Variants in ATP13A4 observed in about 807,000 individuals in gnomAD.
ATP13A4 encodes the protein ATPase 13A4, also known as probable cation-transporting ATPase 13A4.
ATP13A4 carries 114 observed loss-of-function variants against 142.5 expected under a neutral mutation model. That is an observed-to-expected ratio of 0.80 (90% CI 0.69 to 0.93). The LOEUF (loss-of-function observed/expected upper bound fraction) is 0.93. ATP13A4 is among the 40% of genes least tolerant of loss of function. The pLI is 0.00. For missense variants in ATP13A4, 1,392 were observed against 1,454.0 expected, an observed-to-expected ratio of 0.96 and a Z score of 0.69; for synonymous variants, 488 against 514.8, an observed-to-expected ratio of 0.95 and a Z score of 0.70.
intron 11 of ATP13A4, 94 bp downstream of exon 11, chr3:193,465,930 TG>T: frequency 6.6e-7 from 1 of 1,519,434 alleles, no homozygotes; most frequent in Non-Finnish European, 9.1e-7. Flanking sequence ...TTCCCAGGTT[TG>T]TAAACCACAT....
Position 193,467,381 on chromosome 3 carries a change from C to A in ATP13A4, c.1049G>T (p.Gly350Val). 1 of 1,614,138 alleles carries A rather than the reference C, an allele frequency of 6.2e-7. No homozygotes were observed. The highest frequency in any genetic ancestry group is 8.5e-7 in the Non-Finnish European group (1 of 1,180,024). The change falls in exon 10 of 30, where the codon GGA becomes GTA. Residue 350 changes from glycine (G) to valine (V), a missense_variant. Physicochemically the swap from Gly to Val is moderately radical, Grantham distance 109. Transcript: ENST00000342695. ...TGCCTTGGCCTGGATAACCTCTGTT[C>A]CACAGAAGAGGACATGCCGCTTGTA... ...ADYKRHVLFC[G>V]TEVIQAKAAC...
intron 1 of ATP13A4, among the ~76,000 whole-genome samples, chr3:193,525,525 A>G (rs1179081590): frequency 6.6e-6 from 1 of 152,208 alleles, no homozygotes; most frequent in Admixed American, 6.5e-5. Flanking sequence ...AAGATCAGAG[A>G]TGATCTGATC....
At position 193,494,672 on chromosome 3, in the gene ATP13A4, A is replaced by G. The variant is rs79671869; in HGVS notation, c.382-1512T>C. Among the ~76,000 whole-genome samples the G allele has an allele frequency of 5.6e-3, 850 of 152,126 alleles. 10 individuals are homozygous for G. The highest frequency in any genetic ancestry group is 0.019 in the African/African-American group (793 of 41,562). The stretch of plus-strand genomic sequence containing the variant: ...ATAGCAGTAAACACCTATATACAAA[A>G]AAGAATGATCTCAAATACACAATCT... On this transcript the variant is annotated intron_variant, in intron 3 of 29. Coordinates refer to ENST00000342695, the MANE Select transcript of ATP13A4 (RefSeq NM_032279.4).
At chr3:193,552,481 C>T (rs934387085) in intron 1 of ATP13A4, among the ~76,000 whole-genome samples, 2 of 152,206 alleles carry the variant, frequency 1.3e-5, no homozygotes, top group Non-Finnish European at 2.9e-5. Context: ...TGGTGTGACA[C>T]ATTTCTGGAC....
At chr3:193,513,313 T>C (rs886961655) in intron 2 of ATP13A4, among the ~76,000 whole-genome samples, 6 of 152,216 alleles carry the variant, frequency 3.9e-5, no homozygotes, top group African/African-American at 1.4e-4. Flanking sequence ...CTGCATTAAA[T>C]AGAATATGTA....
rs570681516 is a variant in ATP13A4 at position 193,514,767 on chromosome 3, T to C, written c.165A>G (p.Ala55=). The C allele has an allele frequency of 3.1e-6, 5 of 1,614,062 alleles. No homozygotes were observed. The African/African-American group carries it at 6.7e-5, about 22-fold the overall frequency. ...ILPLVFYWRP[A]WHVWAHCVPC... Reference sequence around the variant, plus strand: ...GGACACAATGTGCCCATACGTGCCATGCTGGTCTCCAGTAAAACACCAAGG... The same window carrying C: ...GGACACAATGTGCCCATACGTGCCACGCTGGTCTCCAGTAAAACACCAAGG... The change falls in exon 2 of 30, where the codon GCA becomes GCG. Residue 55 remains alanine (A), a synonymous_variant. Coordinates refer to ENST00000342695, the MANE Select transcript of ATP13A4 (RefSeq NM_032279.4).
At chr3:193,487,846 T>G (rs371170323) in intron 7 of ATP13A4, among the ~76,000 whole-genome samples, 13 of 152,220 alleles carry the variant, frequency 8.5e-5, no homozygotes, top group African/African-American at 3.1e-4. Flanking sequence ...CAGCATTGTC[T>G]TAGTAGCAAA....
chr3:193,489,926 T>C (rs1719854707), intron 6 of ATP13A4, 62 bp from the exon 7 acceptor site: 1 of 1,523,980 alleles, frequency 6.6e-7, no homozygotes, highest in African/African-American at 1.4e-5. Context: ...CTGCTCTTCA[T>C]TTACTTGTTT....
chr3:193,415,443 A>C (rs1428329003), intron 25 of ATP13A4, among the ~76,000 whole-genome samples: 1 of 152,202 alleles, frequency 6.6e-6, no homozygotes, highest in Non-Finnish European at 1.5e-5. Flanking sequence ...GAAAAAGACA[A>C]CTTTAGGATC....
At chr3:193,532,428 C>T (rs1189238111) in intron 1 of ATP13A4, among the ~76,000 whole-genome samples, 1 of 147,640 alleles carries the variant, frequency 6.8e-6, no homozygotes, top group Non-Finnish European at 1.5e-5. Context: ...AATAGGCCCC[C>T]AACAAACTGA....
chr3:193,487,238 G>C (rs1263991884), intron 7 of ATP13A4, among the ~76,000 whole-genome samples: 1 of 151,384 alleles, frequency 6.6e-6, no homozygotes, highest in Non-Finnish European at 1.5e-5. Context: ...TCGGTACTGG[G>C]GAAAAAAAAA....
intron 3 of ATP13A4, among the ~76,000 whole-genome samples, chr3:193,495,414 G>A (rs1720170680): frequency 6.6e-6 from 1 of 152,062 alleles, no homozygotes; most frequent in African/African-American, 2.4e-5. Context: ...TTCATCCCAG[G>A]ATACAAGGAT....
rs1720626782 is a variant in ATP13A4 at position 193,502,784 on chromosome 3, T to C, written c.235-145A>G. ...GACAGAACGGTTTGTCTCTGAAAGA[T>C]GATGGATCTAGAACCTTGAGGGAAA... On this transcript the variant is annotated intron_variant, in intron 2 of 29. Coordinates refer to ENST00000342695, the MANE Select transcript of ATP13A4 (RefSeq NM_032279.4). The C allele has an allele frequency of 8.9e-6, 8 of 896,956 alleles. 1 individual carries two copies. The highest frequency in any genetic ancestry group is 1.5e-5 in the South Asian group (1 of 64,658). 55.6% of individuals were successfully genotyped at this position (896,956 alleles called of 1,614,324 possible). A position where few individuals can be genotyped will look rare whatever the true frequency, so the allele number is the denominator to read the frequency against.
chr3:193,465,958 C>A, intron 11 of ATP13A4, 67 bp downstream of exon 11: 3 of 1,593,014 alleles, frequency 1.9e-6, no homozygotes, highest in Non-Finnish European at 2.6e-6. Flanking sequence ...TTAAGGCCAA[C>A]ATGCACAGTA....
At chr3:193,498,905 A>G (rs1407822552) in intron 3 of ATP13A4, among the ~76,000 whole-genome samples, 3 of 152,370 alleles carry the variant, frequency 2.0e-5, no homozygotes, top group East Asian at 3.9e-4. Flanking sequence ...TGGAAAGACC[A>G]TATAGCTGGC....
chr3:193,431,612 T>G (rs1411498141), intron 25 of ATP13A4, among the ~76,000 whole-genome samples: 2 of 151,708 alleles, frequency 1.3e-5, no homozygotes, highest in East Asian at 1.9e-4. Flanking sequence ...CATGTGTGTG[T>G]GTGTGTGTGT....
chr3:193,561,789 C>T (rs1373921637), intron 2 of ATP13A4, among the ~76,000 whole-genome samples: 3 of 152,146 alleles, frequency 2.0e-5, no homozygotes, highest in Non-Finnish European at 4.4e-5. Flanking sequence ...GCAAATGTAA[C>T]TTTAAAATAA....
chr3:193,444,889 C>A (rs984960049), intron 18 of ATP13A4, among the ~76,000 whole-genome samples: 2 of 152,214 alleles, frequency 1.3e-5, no homozygotes, highest in Non-Finnish European at 2.9e-5. Flanking sequence ...GAGCCCTGAG[C>A]GCTCATAGGC....
chr3:193,432,968 T>G (rs892092375), intron 25 of ATP13A4, among the ~76,000 whole-genome samples: 1 of 152,154 alleles, frequency 6.6e-6, no homozygotes, highest in African/African-American at 2.4e-5. Flanking sequence ...AACGATGGAC[T>G]TTGGATAATA....
Sources: gnomAD v4.1 joint callset for allele counts (sites outside exome capture counted in the v4.1 genomes callset) on GRCh38, gnomAD v4.1.1 for gene constraint, MANE v1.5 for transcripts, NCBI Gene and HGNC (gene_info 2026-07-23, HGNC 2026-07-21) for gene names.